LPIN2: variants seen among roughly 807,000 people sequenced by gnomAD.
LPIN2 encodes lipin 2.
In LPIN2, 55 loss-of-function variants were observed where a neutral mutation model predicts 111.4. The observed-to-expected ratio is 0.49, with a 90% CI of 0.40 to 0.62. The LOEUF (loss-of-function observed/expected upper bound fraction) is 0.62. Ranked by LOEUF, LPIN2 falls within the 20% of genes least tolerant of loss-of-function variation. LPIN2 has a pLI of 0.00. For missense variants in LPIN2, 992 were observed against 1,112.1 expected (o/e 0.89, Z 1.54); for synonymous variants, 425 against 414.0 (o/e 1.03, Z -0.32).
chr18:2,973,899 C>T (rs1160184576), intron 1 of LPIN2, among the ~76,000 whole-genome samples: 2 of 152,120 alleles, frequency 1.3e-5, no homozygotes, highest in Non-Finnish European at 2.9e-5. Context: ...CCACTTGTGG[C>T]ATCAGAGAGT....
chr18:2,921,094 G>C, intron 18 of LPIN2: 1 of 616,104 alleles, frequency 1.6e-6, no homozygotes, highest in East Asian at 2.8e-5. Context: ...GCCACCAAGG[G>C]GAAGCCAGGG....
chr18:2,937,035 T>C (rs1288720518), intron 7 of LPIN2, among the ~76,000 whole-genome samples: 1 of 152,240 alleles, frequency 6.6e-6, no homozygotes, highest in East Asian at 1.9e-4. Flanking sequence ...TTCTCTATTC[T>C]AATTTTTTAA....
At chr18:2,978,760 C>T (rs2078060153) in intron 1 of LPIN2, among the ~76,000 whole-genome samples, 1 of 152,218 alleles carries the variant, frequency 6.6e-6, no homozygotes, top group Admixed American at 6.5e-5. Context: ...TTTGAAAGCT[C>T]CACAGGGATT....
intron 1 of LPIN2, chr18:2,977,019 C>G (rs149014891): frequency 3.3e-5 from 5 of 152,080 alleles, no homozygotes; most frequent in African/African-American, 1.2e-4. Context: ...CCAGCCTGGG[C>G]AACATGGAGA....
chr18:2,937,659 G>A (rs1371139826), intron 7 of LPIN2, 33 bp downstream of exon 7: 3 of 1,547,656 alleles, frequency 1.9e-6, no homozygotes, highest in African/African-American at 2.7e-5. Context: ...TCTAATTTGA[G>A]AGTACCTGGA....
In LPIN2 at chr18:2,960,758, G is replaced by A; in HGVS notation, c.83C>T (p.Ser28Phe). 2 of 1,614,104 alleles carry A rather than the reference G, an allele frequency of 1.2e-6. No individual in the cohort carries two copies. Among genetic ancestry groups the A allele is most frequent in the Non-Finnish European group, 1.7e-6 (2 of 1,179,998 alleles). ...LYKGINQATL[S>F]GCIDVIVVQQ... ...TACCACGATGACATCAATGCACCCA[G>A]AGAGGGTGGCCTGGTTAATGCCCTT... The change falls in exon 2 of 20, where the codon TCT becomes TTT. Residue 28 changes from serine (S) to phenylalanine (F), a missense_variant. Ser to Phe is a radical substitution (Grantham distance 155, BLOSUM62 -2). Around this residue, in one of 4 missense-constraint regions of LPIN2, gnomAD observed 67 missense variants for 112.1 expected, o/e 0.60. Transcript: ENST00000677752.
chr18:2,923,312 C>T (rs1488142743), intron 16 of LPIN2, among the ~76,000 whole-genome samples: 6 of 149,446 alleles, frequency 4.0e-5, no homozygotes, highest in Admixed American at 6.8e-5. Flanking sequence ...CCCAGCTACT[C>T]GGGAGACTGA....
intron 4 of LPIN2, among the ~76,000 whole-genome samples, chr18:2,943,199 T>TGTTTTG (rs756655372): frequency 0.065 from 7,677 of 117,426 alleles, 254 homozygotes; most frequent in Non-Finnish European, 0.11. Flanking sequence ...CCTCAGTTTT[T>TGTTTTG]TTTCTGTTTT....
rs767509096 is a variant in LPIN2 at position 2,954,543 on chromosome 18, G to A, written c.249C>T (p.Asn83=). The change falls in exon 3 of 20, where the codon AAC becomes AAT. Residue 83 remains asparagine, a synonymous_variant. Transcript: ENST00000677752. The part of the protein sequence containing the change: ...AVDLHMKLGD[N]GEAFFVEETE... ...TCTCCTCAACAAAGAAAGCTTCTCC[G>A]TTATCACCCAACTTCATGTGAAGAT... The A allele has an allele frequency of 3.1e-5, 50 of 1,613,842 alleles. No individual in the cohort carries two copies. The highest frequency in any genetic ancestry group is 6.7e-5 in the Admixed American group (4 of 59,994).
chr18:3,003,099 C>T (rs2078458674), intron 1 of LPIN2, among the ~76,000 whole-genome samples: 1 of 152,154 alleles, frequency 6.6e-6, no homozygotes, highest in African/African-American at 2.4e-5. Flanking sequence ...CTCCCTATTA[C>T]AAAAGAGACA....
At chr18:2,986,641 T>C (rs1247117530) in intron 1 of LPIN2, among the ~76,000 whole-genome samples, 1 of 151,980 alleles carries the variant, frequency 6.6e-6, no homozygotes, top group Non-Finnish European at 1.5e-5. Context: ...AATTAGAGGA[T>C]GCTCAGTGTA....
At chr18:2,990,857 A>G in intron 1 of LPIN2, 1 of 462,794 alleles carries the variant, frequency 2.2e-6, no homozygotes. Context: ...CGGCAGGGAC[A>G]ATGATACTAC....
chr18:2,997,099 A>C (rs2078357424), intron 1 of LPIN2, among the ~76,000 whole-genome samples: 2 of 151,736 alleles, frequency 1.3e-5, no homozygotes, highest in Non-Finnish European at 2.9e-5. Context: ...CTCCTGCTTC[A>C]GCCTCCCGAG....
chr18:2,974,559 C>A (rs2077978361), intron 1 of LPIN2, among the ~76,000 whole-genome samples: 1 of 152,150 alleles, frequency 6.6e-6, no homozygotes, highest in Non-Finnish European at 1.5e-5. Flanking sequence ...TTCTCATGGT[C>A]TTAACTTTTT....
At chr18:3,012,131 A>G (rs2078614711) in intron 1 of LPIN2, among the ~76,000 whole-genome samples, 1 of 152,218 alleles carries the variant, frequency 6.6e-6, no homozygotes, top group Non-Finnish European at 1.5e-5. Context: ...CTGGGTAAAG[A>G]ACTTCATTCA....
intron 1 of LPIN2, among the ~76,000 whole-genome samples, chr18:2,979,662 G>C (rs1424755802): frequency 6.6e-6 from 1 of 152,052 alleles, no homozygotes; most frequent in Non-Finnish European, 1.5e-5. Context: ...AAAACAGATG[G>C]GGGCACAAAT....
At position 2,922,030 on chromosome 18, in the gene LPIN2, G is replaced by A; in HGVS notation, c.2327+17C>T. On this transcript the variant is annotated intron_variant, in intron 17 of 19. Coordinates refer to ENST00000677752, the MANE Select transcript of LPIN2 (RefSeq NM_001375808.2). ...ATGCTGGGGCGGTGGGCAGAGGGCTGCCTGCCGGAGAGGTACCTGTGGAAG... is the reference window on the plus strand; with the variant it reads ...ATGCTGGGGCGGTGGGCAGAGGGCTACCTGCCGGAGAGGTACCTGTGGAAG... 3 of 1,608,726 alleles carry A rather than the reference G, an allele frequency of 1.9e-6. No individual in the cohort carries two copies. Among genetic ancestry groups the A allele is most frequent in the Non-Finnish European group, 2.5e-6 (3 of 1,176,730 alleles).
rs574863028 is a variant in LPIN2 at position 2,918,666 on chromosome 18, T to TA, written c.*1626_*1627insT. On this transcript the variant is annotated 3_prime_UTR_variant, in exon 20 of 20. Coordinates refer to ENST00000677752, the MANE Select transcript of LPIN2 (RefSeq NM_001375808.2). ...CATGAGCCTTCCTAGGTTTTGCCAC[T>TA]GAGAACTGTGTTTAGGGGATTTCAA... The TA allele has an allele frequency of 6.6e-5, 10 of 152,336 alleles. No homozygotes were observed. The South Asian group carries it at 8.3e-4, about 13-fold the overall frequency. The allele number at this position is 152,336 out of a possible 1,614,324, so 9.4% of individuals were successfully genotyped here.
In LPIN2 at chr18:2,934,878, C is replaced by G. The variant is rs960807368; in HGVS notation, c.1169-428G>C. On this transcript the variant is annotated intron_variant, in intron 7 of 19. Coordinates refer to ENST00000677752, the MANE Select transcript of LPIN2 (RefSeq NM_001375808.2). ...TTCACATGGTGCCCAAGTATCCACC[C>G]TGCATTACCTTCTAACTACAAAAGG... Among the ~76,000 whole-genome samples, 3 of 152,200 alleles carry G rather than the reference C, an allele frequency of 2.0e-5. No individual in the cohort carries two copies. The South Asian group carries it at 6.2e-4, about 32-fold the overall frequency.
Sources: gnomAD v4.1 joint callset for allele counts (sites outside exome capture counted in the v4.1 genomes callset) on GRCh38, gnomAD v4.1.1 for gene constraint, gnomAD v4.1.1 regional missense constraint, MANE v1.5 for transcripts, NCBI Gene and HGNC (gene_info 2026-07-23, HGNC 2026-07-21) for gene names.